C3: variants seen among roughly 807,000 people sequenced by gnomAD.
The protein encoded by C3 is complement C3.
Under a neutral mutation model 207.9 loss-of-function variants are expected in C3, and 97 were observed. The ratio of observed to expected loss-of-function variants is 0.47; its 90% CI spans 0.40 to 0.55. The LOEUF (loss-of-function observed/expected upper bound fraction) is 0.55, where lower values mean the gene tolerates loss of function less well. Among genes scored for constraint, C3 ranks in the 20% least tolerant of loss-of-function variants. The pLI is 0.00. For missense variants in C3, 1,684 were observed against 2,171.7 expected (o/e 0.78, Z 4.46); for synonymous variants, 848 against 857.6 (o/e 0.99, Z 0.20).
Position 6,679,444 on chromosome 19 carries a change from G to T in C3, c.4509C>A (p.Asn1503Lys), listed in dbSNP as rs757670171. ...GGCACAGTTCATCACGGCAGAGCTT[G>T]TTCAGCTTTCCATCCTCCTTTTCCG... ...YHPEKEDGKL[N>K]KLCRDELCRC... is the part of the protein sequence containing the mutation. The change falls in exon 37 of 41, where the codon AAC becomes AAA. Residue 1503 changes from asparagine to lysine, a missense_variant. By Grantham distance (94) the Asn-to-Lys change is moderately conservative. Transcript: ENST00000245907. 1.2e-6 allele frequency: 2 copies of T among 1,613,990 alleles called. No individual in the cohort carries two copies. The highest frequency in any genetic ancestry group is 4.5e-5 in the East Asian group (2 of 44,882).
At chr19:6,700,721 T>G (rs1331434727) in intron 19 of C3, among the ~76,000 whole-genome samples, 1 of 141,272 alleles carries the variant, frequency 7.1e-6, no homozygotes, top group Non-Finnish European at 1.5e-5. Context: ...TGGTATGTTA[T>G]ATATGTAATA....
At chr19:6,681,762 T>C (rs1017833054) in intron 35 of C3, among the ~76,000 whole-genome samples, 179 bp downstream of exon 35, 5 of 152,126 alleles carry the variant, frequency 3.3e-5, no homozygotes, top group South Asian at 2.1e-4. Flanking sequence ...TAGAAGATGC[T>C]GGGTTGACCC....
At chr19:6,704,585 C>A (rs1599516719) in intron 17 of C3, among the ~76,000 whole-genome samples, 1 of 152,106 alleles carries the variant, frequency 6.6e-6, no homozygotes, top group East Asian at 1.9e-4. Flanking sequence ...ACGGTGAAAC[C>A]TCTTTTCTAC....
intron 24 of C3, 102 bp from the exon 25 acceptor site, chr19:6,693,589 G>A: frequency 1.0e-6 from 1 of 992,384 alleles, no homozygotes; most frequent in Non-Finnish European, 1.5e-6. Context: ...AGGGGCTCAG[G>A]GTGGCGGAGG....
intron 17 of C3, among the ~76,000 whole-genome samples, 155 bp downstream of exon 17, chr19:6,706,921 A>G (rs191918021): frequency 3.9e-5 from 3 of 77,014 alleles, no homozygotes; most frequent in African/African-American, 5.6e-5. Context: ...TGAGACAGGG[A>G]CCTCCTGCCC....
chr19:6,706,877 T>C (rs559499686), intron 17 of C3, among the ~76,000 whole-genome samples, 199 bp downstream of exon 17: 2 of 81,844 alleles, frequency 2.4e-5, no homozygotes, highest in Admixed American at 1.3e-4. Flanking sequence ...AGACGGAGGT[T>C]TCCTCCCTCC....
chr19:6,703,855 T>C (rs1039385529), intron 17 of C3, among the ~76,000 whole-genome samples: 16 of 150,882 alleles, frequency 1.1e-4, no homozygotes, highest in African/African-American at 3.7e-4. Flanking sequence ...GGCTGAGGGA[T>C]GAGAATCTCT....
Position 6,677,775 on chromosome 19 carries a change from C to T in C3, c.*107G>A. 7.3e-7 allele frequency: 1 copy of T among 1,377,812 alleles called. No homozygotes were observed. Among genetic ancestry groups the T allele is most frequent in the Non-Finnish European group, 1.0e-6 (1 of 983,942 alleles). 85.3% of individuals were successfully genotyped at this position (1,377,812 alleles called of 1,614,324 possible). On this transcript the variant is annotated 3_prime_UTR_variant, in exon 41 of 41. Transcript: ENST00000245907. ...AGGTTTCAAGTAGGATGGAGCTGAG[C>T]TGCAGGTGAGGCGGCTGGGGATTTC... is the stretch of plus-strand genomic sequence containing the variant.
chr19:6,707,616 A>C (rs1258595944), intron 15 of C3, 79 bp from the exon 16 acceptor site: 1 of 1,548,524 alleles, frequency 6.5e-7, no homozygotes, highest in Non-Finnish European at 8.9e-7. Context: ...CGATCGTGTG[A>C]GGTGGGGGTG....
Position 6,718,278 on chromosome 19 carries a change from T to C in C3, c.402A>G (p.Thr134=). 6.2e-7 allele frequency: 1 copy of C among 1,613,908 alleles called. No individual in the cohort carries two copies. The highest frequency in any genetic ancestry group is 1.7e-5 in the Admixed American group (1 of 60,006). ...SLQSGYLFIQ[T]DKTIYTPGST... ...AGCCAGGGGTGTAGATGGTCTTGTC[T>C]GTCTGGATGAAGAGGTACCCGCTCT... Residue 134 remains threonine, a synonymous_variant, in exon 3 of 41, where the codon ACA becomes ACG. Transcript: ENST00000245907.
At chr19:6,712,956 G>A (rs1214926871) in intron 9 of C3, among the ~76,000 whole-genome samples, 1 of 150,198 alleles carries the variant, frequency 6.7e-6, no homozygotes, top group Non-Finnish European at 1.5e-5. Flanking sequence ...TACTGGGCCT[G>A]TGCCCCCATC....
chr19:6,709,627 C>G lies in C3; in HGVS notation c.1845+57G>C, dbSNP rs919757594. 9.3e-6 allele frequency: 13 copies of G among 1,396,018 alleles called. No homozygotes were observed. In the African/African-American group the frequency reaches 1.6e-4, roughly 17 times the overall value. 86.5% of individuals were successfully genotyped at this position (1,396,018 alleles called of 1,614,324 possible). On this transcript the variant is annotated intron_variant, in intron 14 of 40. Coordinates refer to ENST00000245907, the MANE Select transcript of C3 (RefSeq NM_000064.4). ...CCTCTCCAGTCCCACCCACCTCCCC[C>G]AGCCCCAGCTCCGTGCCTCCGCCTC... is the stretch of plus-strand genomic sequence containing the variant.
rs746863266 is a variant in C3 at position 6,718,202 on chromosome 19, C to T, written c.434-38G>A. 1.1e-5 allele frequency: 18 copies of T among 1,613,910 alleles called. No individual in the cohort carries two copies. In the South Asian group the frequency reaches 1.2e-4, roughly 11 times the overall value. On this transcript the variant is annotated intron_variant, in intron 3 of 40. Transcript: ENST00000245907. ...AAAGAGGCCTCGTGAGACCCTAGCC[C>T]GCCCACGCCGGTGCCCCGCCCTCTC...
At chr19:6,709,894 G>A in intron 13 of C3, 52 bp from the exon 14 acceptor site, 1 of 1,594,274 alleles carries the variant, frequency 6.3e-7, no homozygotes. Flanking sequence ...AGAGAGGAGT[G>A]CCTGGGATGG....
At chr19:6,686,925 C>G in intron 27 of C3, 23 bp from the exon 28 acceptor site, 1 of 1,613,816 alleles carries the variant, frequency 6.2e-7, no homozygotes, top group Non-Finnish European at 8.5e-7. Context: ...GGATCAGATT[C>G]TCCGGTCATG....
At chr19:6,712,977 C>G (rs1160448231) in intron 9 of C3, among the ~76,000 whole-genome samples, 1 of 152,150 alleles carries the variant, frequency 6.6e-6, no homozygotes, top group African/African-American at 2.4e-5. Context: ...AGCCCGGACC[C>G]CACCTTTATA....
At chr19:6,686,683 C>A in intron 28 of C3, 63 bp downstream of exon 28, 1 of 1,540,060 alleles carries the variant, frequency 6.5e-7, no homozygotes, top group Non-Finnish European at 8.9e-7. Context: ...CATCCCAGCT[C>A]AGTATCTCCC....
rs561663982 is a variant in C3, at chr19:6,678,256, G to C, written c.4746C>G (p.Arg1582=). The change falls in exon 40 of 41, where the codon CGC becomes CGG. Residue 1582 remains arginine (R), a synonymous_variant. Coordinates refer to ENST00000245907, the MANE Select transcript of C3 (RefSeq NM_000064.4). ...TGCACTTGATGGGGCTGATGAACGT[G>C]CGCTGCTGTCCAACCTGCACCTCAT... ...GSDEVQVGQQ[R]TFISPIKCRE... 1.9e-6 allele frequency: 3 copies of C among 1,614,096 alleles called. No individual in the cohort carries two copies. In the African/African-American group the frequency reaches 4.0e-5, roughly 22 times the overall value.
rs112066198 is a variant in C3 at position 6,681,192 on chromosome 19, AC to A, written c.4350+748del. Among the ~76,000 whole-genome samples the A allele has an allele frequency of 8.9e-3, 1,348 of 151,602 alleles. 18 individuals carry two copies. Among genetic ancestry groups the A allele is most frequent in the African/African-American group, 0.03 (1,254 of 41,312 alleles). ...AATCACTTGAGCTCAGGAGTTTAAGACCAGCCTAGGCAGTACAGTGGGACCC... is the reference window on the plus strand; with the variant it reads ...AATCACTTGAGCTCAGGAGTTTAAGACAGCCTAGGCAGTACAGTGGGACCC... On this transcript the variant is annotated intron_variant, in intron 35 of 40. Transcript: ENST00000245907.
Sources: gnomAD v4.1 joint callset for allele counts (sites outside exome capture counted in the v4.1 genomes callset) on GRCh38, gnomAD v4.1.1 for gene constraint, MANE v1.5 for transcripts, NCBI Gene and HGNC (gene_info 2026-07-23, HGNC 2026-07-21) for gene names.